AFAP1: variants seen among roughly 807,000 people sequenced by gnomAD.
AFAP1 encodes the protein actin filament associated protein 1.
Under a neutral mutation model 93.9 loss-of-function variants are expected in AFAP1, and 75 were observed. The ratio of observed to expected loss-of-function variants is 0.80; its 90% CI spans 0.66 to 0.97. The LOEUF (loss-of-function observed/expected upper bound fraction) is 0.97. AFAP1 is among the 50% of genes least tolerant of loss of function. The pLI is 0.00. For missense variants in AFAP1, 1,201 were observed against 1,050.8 expected (o/e 1.14, Z -1.98); for synonymous variants, 517 against 430.7 (o/e 1.20, Z -2.48).
At chr4:7,769,149 G>C (rs1267641468) in intron 16 of AFAP1, 141 bp from the exon 17 acceptor site, 1 of 1,141,148 alleles carries the variant, frequency 8.8e-7, no homozygotes, top group African/African-American at 1.6e-5. Context: ...GGACTGCCAC[G>C]TGGTCAGTGC....
intron 10 of AFAP1, 51 bp downstream of exon 10, chr4:7,800,391 G>C (rs1230135610): frequency 7.0e-6 from 11 of 1,582,318 alleles, no homozygotes; most frequent in Non-Finnish European, 9.5e-6. Flanking sequence ...TTGAAAGGAA[G>C]ATCACCGCGT....
intron 6 of AFAP1, among the ~76,000 whole-genome samples, chr4:7,823,399 C>T (rs1402742583): frequency 6.6e-6 from 1 of 152,124 alleles, no homozygotes; most frequent in Non-Finnish European, 1.5e-5. Flanking sequence ...CCCCAGTCCT[C>T]GGCACTGGTT....
chr4:7,767,521 C>G (rs145478327), intron 17 of AFAP1, among the ~76,000 whole-genome samples: 66 of 152,298 alleles, frequency 4.3e-4, no homozygotes, highest in African/African-American at 1.5e-3. Flanking sequence ...TCAGTGGTCA[C>G]CAGCTGAGAA....
chr4:7,808,683 G>T (rs558653523), intron 9 of AFAP1, among the ~76,000 whole-genome samples: 1 of 152,178 alleles, frequency 6.6e-6, no homozygotes, highest in East Asian at 1.9e-4. Context: ...TCCCCAGTGT[G>T]GGGGGCTGGC....
At position 7,800,319 on chromosome 4, in the gene AFAP1, C is replaced by A. The variant is rs1718902536; in HGVS notation, c.1266+123G>T. The A allele has an allele frequency of 2.6e-5, 26 of 988,746 alleles. No homozygotes were observed. The South Asian group carries it at 3.6e-4, about 14-fold the overall frequency. The allele number at this position is 988,746 out of a possible 1,614,324, so 61.2% of individuals were successfully genotyped here. ...GGGCAGTGAGAGAAAAGAGGGTGGGCCCAAAAGAGGTACTGTCAGCGAGAT... is the reference window on the plus strand; with the variant it reads ...GGGCAGTGAGAGAAAAGAGGGTGGGACCAAAAGAGGTACTGTCAGCGAGAT... On this transcript the variant is annotated intron_variant, in intron 10 of 17. Transcript: ENST00000420658.
chr4:7,845,408 C>T (rs1055975597), intron 4 of AFAP1, among the ~76,000 whole-genome samples: 3 of 145,946 alleles, frequency 2.1e-5, no homozygotes, highest in Non-Finnish European at 4.6e-5. Flanking sequence ...GGCAACAGAA[C>T]AAGATTATTA....
intron 10 of AFAP1, chr4:7,798,866 G>A (rs1718747089): frequency 4.2e-6 from 4 of 960,606 alleles, no homozygotes; most frequent in Admixed American, 6.0e-5. Flanking sequence ...CTGGGCACTT[G>A]CCCAGCATCT....
At chr4:7,775,778 A>T (rs559104496) in intron 14 of AFAP1, 5 of 152,196 alleles carry the variant, frequency 3.3e-5, no homozygotes, top group Non-Finnish European at 5.9e-5. Flanking sequence ...TGAAATGGGG[A>T]TAGTAAGAGC....
intron 4 of AFAP1, among the ~76,000 whole-genome samples, chr4:7,845,154 G>C (rs533791122): frequency 4.9e-4 from 74 of 152,288 alleles, no homozygotes; most frequent in African/African-American, 1.6e-3. Flanking sequence ...AGGTGTGGTG[G>C]CTCACACCTG....
At chr4:7,847,274 G>C (rs1713815949) in intron 4 of AFAP1, among the ~76,000 whole-genome samples, 1 of 152,054 alleles carries the variant, frequency 6.6e-6, no homozygotes, top group African/African-American at 2.4e-5. Flanking sequence ...AGTATGCTTA[G>C]CAATGACCCA....
chr4:7,867,322 T>C (rs1716538499), intron 3 of AFAP1, among the ~76,000 whole-genome samples: 1 of 152,210 alleles, frequency 6.6e-6, no homozygotes, highest in Non-Finnish European at 1.5e-5. Flanking sequence ...ATATTTGCTC[T>C]TTCCATCTCC....
intron 13 of AFAP1, 26 bp downstream of exon 13, chr4:7,781,350 G>C (rs749789910): frequency 1.9e-6 from 3 of 1,549,454 alleles, no homozygotes; most frequent in South Asian, 2.4e-5. Flanking sequence ...GGTGGTTCTA[G>C]AATCTTACAG....
chr4:7,779,827 G>C (rs1716572519), intron 13 of AFAP1, among the ~76,000 whole-genome samples: 1 of 152,204 alleles, frequency 6.6e-6, no homozygotes, highest in African/African-American at 2.4e-5. Context: ...TAAGTGCTCA[G>C]AAAGTGCAAG....
At chr4:7,786,091 G>C in intron 12 of AFAP1, 103 bp downstream of exon 12, 1 of 1,038,648 alleles carries the variant, frequency 9.6e-7, no homozygotes, top group East Asian at 2.4e-5. Flanking sequence ...GCATTAAAAA[G>C]CTGACCTTAT....
At chr4:7,827,172 G>A (rs80203410) in intron 6 of AFAP1, among the ~76,000 whole-genome samples, 2,020 of 152,064 alleles carry the variant, frequency 0.013, 85 homozygotes, top group East Asian at 0.11. Context: ...AAATAGAAGC[G>A]TCCACCCAAG....
chr4:7,865,414 T>C (rs1056364099), intron 3 of AFAP1, among the ~76,000 whole-genome samples: 5 of 152,238 alleles, frequency 3.3e-5, no homozygotes, highest in African/African-American at 1.2e-4. Flanking sequence ...TTAAAGCACA[T>C]GTAATGTATA....
At chr4:7,929,357 A>C (rs1314136840) in intron 1 of AFAP1, among the ~76,000 whole-genome samples, 3 of 152,180 alleles carry the variant, frequency 2.0e-5, no homozygotes, top group African/African-American at 4.8e-5. Flanking sequence ...TTTGCAGAAC[A>C]TTAATGACAT....
chr4:7,781,536 G>A lies in AFAP1; in HGVS notation c.1622C>T (p.Pro541Leu), dbSNP rs1035960127. The A allele has an allele frequency of 2.0e-5, 31 of 1,551,998 alleles. No homozygotes were observed. Among genetic ancestry groups the A allele is most frequent in the African/African-American group, 1.6e-4 (12 of 73,006 alleles). Residue 541 changes from proline to leucine, a missense_variant, in exon 13 of 18, where the codon CCG (proline) becomes CTG (leucine). Transcript: ENST00000420658. ...GTAGCGGGCAAAGATGTGCGGAGGCGGCAAGTTATCGTACAGGCCTGCGTT... is the reference window on the plus strand; with the variant it reads ...GTAGCGGGCAAAGATGTGCGGAGGCAGCAAGTTATCGTACAGGCCTGCGTT... ...YDNAGLYDNL[P>L]PPHIFARYSP...
At chr4:7,801,189 G>A (rs189711944) in intron 9 of AFAP1, among the ~76,000 whole-genome samples, 19 of 152,322 alleles carry the variant, frequency 1.2e-4, no homozygotes, top group African/African-American at 4.6e-4. Context: ...CCCCAGCGCT[G>A]GAAGCAGCCC....
Sources: allele counts gnomAD v4.1 joint callset (sites outside exome capture counted in the v4.1 genomes callset), GRCh38; gene constraint gnomAD v4.1.1; transcripts MANE v1.5; gene names NCBI Gene and HGNC (gene_info 2026-07-23, HGNC 2026-07-21).